The following CAMSAP2 variants were observed in gnomAD, a reference collection of about 807,000 sequenced individuals.
The protein encoded by CAMSAP2 is calmodulin regulated spectrin associated protein family member 2, also known as calmodulin-regulated spectrin-associated protein 2.
A neutral mutation model predicts 146.1 loss-of-function variants in CAMSAP2; 26 were observed. That is an observed-to-expected ratio of 0.18 (90% confidence interval 0.13 to 0.25). The LOEUF is 0.25. CAMSAP2 is among the 10% of genes least tolerant of loss of function. The probability of loss-of-function intolerance (pLI) is 1.00; values close to 1 mark genes in which losing one functional copy is unlikely to be tolerated. For synonymous variants in CAMSAP2, 499 were observed against 596.6 expected, an observed-to-expected ratio of 0.84 and a Z score of 2.38; for missense variants, 1,381 against 1,759.3, an observed-to-expected ratio of 0.78 and a Z score of 3.85.
At chr1:200,753,198 C>G (rs1203359213) in intron 1 of CAMSAP2, among the ~76,000 whole-genome samples, 1 of 150,144 alleles carries the variant, frequency 6.7e-6, no homozygotes, top group Non-Finnish European at 1.5e-5. Context: ...CTCGGTAGGC[C>G]GAGGCAGGAG....
chr1:200,808,022 G>A (rs1425049733), intron 3 of CAMSAP2, among the ~76,000 whole-genome samples: 2 of 152,076 alleles, frequency 1.3e-5, no homozygotes, highest in African/African-American at 4.8e-5. Context: ...AATTACAGGC[G>A]TGAGCCACCA....
intron 4 of CAMSAP2, chr1:200,828,701 T>G: frequency 8.8e-7 from 1 of 1,138,508 alleles, no homozygotes; most frequent in South Asian, 1.4e-5. Flanking sequence ...CATGTAATTC[T>G]GTTAGTCATT....
chr1:200,849,332 C>T lies in CAMSAP2; in HGVS notation c.2563C>T (p.Pro855Ser), dbSNP rs751463069. 1.2e-6 allele frequency: 2 copies of T among 1,613,920 alleles called. No individual in the cohort carries two copies. Among genetic ancestry groups the T allele is most frequent in the Non-Finnish European group, 8.5e-7 (1 of 1,180,032 alleles). ...CAAATGGCTAAAGTCTCCAACTACA[C>T]CTATTGATCCTGAGAAGCAGTGGAA... is the stretch of plus-strand genomic sequence containing the variant. ...QAKWLKSPTT[P>S]IDPEKQWNLA... The change falls in exon 11 of 17, where the codon CCT becomes TCT. Residue 855 changes from proline to serine, a missense_variant. By Grantham distance (74) the Pro-to-Ser change is moderately conservative (BLOSUM62 -1). Transcript: ENST00000358823. The surrounding 1 kb of genome is among the most constrained non-coding windows in gnomAD (Gnocchi z 6.3).
At chr1:200,839,774 A>C (rs1667270634) in intron 6 of CAMSAP2, among the ~76,000 whole-genome samples, 1 of 152,178 alleles carries the variant, frequency 6.6e-6, no homozygotes, top group South Asian at 2.1e-4. Flanking sequence ...TGATGGGTGC[A>C]CCAGAATCTC....
Position 200,854,784 on chromosome 1 carries a change from A to G in CAMSAP2, c.3824-33A>G, listed in dbSNP as rs761492316. On this transcript the variant is annotated intron_variant, in intron 13 of 16. Coordinates refer to ENST00000358823, the MANE Select transcript of CAMSAP2 (RefSeq NM_203459.4). Reference sequence around the variant, plus strand: ...CTTTTAAATTTCTGATTTTGTTTTTATTCAGGATCATGAATTTATCGTGTT... The same window carrying G: ...CTTTTAAATTTCTGATTTTGTTTTTGTTCAGGATCATGAATTTATCGTGTT... 5.1e-6 allele frequency: 8 copies of G among 1,572,648 alleles called. No individual in the cohort carries two copies. The South Asian group carries it at 8.0e-5, about 16-fold the overall frequency.
At chr1:200,821,397 G>C (rs1337672561) in intron 4 of CAMSAP2, among the ~76,000 whole-genome samples, 1 of 152,162 alleles carries the variant, frequency 6.6e-6, no homozygotes, top group Non-Finnish European at 1.5e-5. Flanking sequence ...TGCCCAGGCT[G>C]ATCTCAAGCT....
intron 6 of CAMSAP2, among the ~76,000 whole-genome samples, chr1:200,834,124 G>T (rs1448354584): frequency 1.3e-5 from 2 of 152,138 alleles, no homozygotes; most frequent in Non-Finnish European, 2.9e-5. Context: ...AGCACTTTGG[G>T]AGGCTGAGGT....
intron 2 of CAMSAP2, among the ~76,000 whole-genome samples, chr1:200,765,641 T>C (rs185140550): frequency 3.2e-4 from 49 of 152,222 alleles, no homozygotes; most frequent in African/African-American, 1.1e-3. Flanking sequence ...CAGTATGAAA[T>C]AAGTGTTCTA....
chr1:200,838,867 T>G (rs576684399), intron 6 of CAMSAP2, among the ~76,000 whole-genome samples: 32 of 152,316 alleles, frequency 2.1e-4, no homozygotes, highest in African/African-American at 7.7e-4. Context: ...ATATTTAGGA[T>G]GCAAAATCTG....
intron 4 of CAMSAP2, among the ~76,000 whole-genome samples, chr1:200,817,109 CGT>C (rs1313383332): frequency 3.5e-5 from 5 of 144,204 alleles, no homozygotes; most frequent in South Asian, 2.1e-4. Flanking sequence ...TATACACACA[CGT>C]GTGTGTATAT....
intron 3 of CAMSAP2, among the ~76,000 whole-genome samples, chr1:200,809,895 A>G (rs1666280970): frequency 6.6e-6 from 1 of 152,190 alleles, no homozygotes; most frequent in Non-Finnish European, 1.5e-5. Context: ...CTGAGGCAGC[A>G]CAGGGCATCA....
chr1:200,801,541 C>A (rs1461019111), intron 2 of CAMSAP2, among the ~76,000 whole-genome samples: 1 of 152,192 alleles, frequency 6.6e-6, no homozygotes, highest in Admixed American at 6.5e-5. Flanking sequence ...AACTTGGTTC[C>A]ATTCTCCCCA....
intron 2 of CAMSAP2, among the ~76,000 whole-genome samples, chr1:200,804,364 A>G (rs1459825234): frequency 1.3e-5 from 2 of 151,970 alleles, no homozygotes; most frequent in East Asian, 1.9e-4. Flanking sequence ...TTATTTTTAA[A>G]TAGTTTAATA....
chr1:200,791,712 C>T (rs765917716), intron 2 of CAMSAP2, among the ~76,000 whole-genome samples: 2 of 151,920 alleles, frequency 1.3e-5, no homozygotes, highest in African/African-American at 4.8e-5. Context: ...CCTTTAAGAC[C>T]CTCTTAGAGA....
chr1:200,739,063 C>G lies in CAMSAP2; in HGVS notation c.-765C>G, dbSNP rs1157086361. 6.6e-6 allele frequency among the ~76,000 whole-genome samples: 1 copy of G among 152,114 alleles called. No homozygotes were observed. Among genetic ancestry groups the G allele is most frequent in the African/African-American group, 2.4e-5 (1 of 41,420 alleles). The stretch of plus-strand genomic sequence containing the variant: ...GAGCTTGGGATTCGCGGCCTCTCCC[C>G]GGCCACCACCTTCGCCGTCAGCAAG... On this transcript the variant is annotated 5_prime_UTR_variant, in exon 1 of 17. Transcript: ENST00000358823. This position sits in a 1 kb window ranked among gnomAD's most constrained non-coding sequence, Gnocchi z 4.8.
chr1:200,857,690 T>G lies in CAMSAP2; in HGVS notation c.4132-64T>G. 5.9e-6 allele frequency: 8 copies of G among 1,344,962 alleles called. No individual in the cohort carries two copies. The highest frequency in any genetic ancestry group is 8.1e-6 in the Non-Finnish European group (8 of 983,162). 83.3% of individuals were successfully genotyped at this position (1,344,962 alleles called of 1,614,324 possible). On this transcript the variant is annotated intron_variant, in intron 16 of 16. Coordinates refer to ENST00000358823, the MANE Select transcript of CAMSAP2 (RefSeq NM_203459.4). The surrounding 1 kb of genome is among the most constrained non-coding windows in gnomAD (Gnocchi z 4.7). The stretch of plus-strand genomic sequence containing the variant: ...GAAACGTAACATAATTATATAAACT[T>G]TATTCAGCAAAATAAAGGGTTTTTA...
rs1448799649 is a variant in CAMSAP2, at chr1:200,816,773, C to T, written c.645+1129C>T. On this transcript the variant is annotated intron_variant, in intron 4 of 16. Coordinates refer to ENST00000358823, the MANE Select transcript of CAMSAP2 (RefSeq NM_203459.4). Reference sequence around the variant, plus strand: ...GTGTATATATGTGTGTACACACACACGCGTGTATATATGTGTGTACACACA... The same window carrying T: ...GTGTATATATGTGTGTACACACACATGCGTGTATATATGTGTGTACACACA... Among the ~76,000 whole-genome samples the T allele has an allele frequency of 1.7e-5, 2 of 116,364 alleles. 1 individual carries two copies. 76.3% of individuals were successfully genotyped at this position (116,364 alleles called of 152,430 possible). A position where few individuals can be genotyped will look rare whatever the true frequency, so the allele number is the denominator to read the frequency against.
chr1:200,807,309 C>A, intron 2 of CAMSAP2, 67 bp from the exon 3 acceptor site: 1 of 1,263,674 alleles, frequency 7.9e-7, no homozygotes, highest in Non-Finnish European at 1.0e-6. Context: ...ATTAACATTT[C>A]AAAATATGTA....
At chr1:200,817,330 AG>A (rs561755956) in intron 4 of CAMSAP2, among the ~76,000 whole-genome samples, 412 of 149,378 alleles carry the variant, frequency 2.8e-3, no homozygotes, top group African/African-American at 9.2e-3. Context: ...TGAAGAAAGA[AG>A]AAACATTAAC....
Sources: gnomAD v4.1 joint callset for allele counts (sites outside exome capture counted in the v4.1 genomes callset) on GRCh38, gnomAD v4.1.1 for gene constraint, Gnocchi (gnomAD v3.1) non-coding constraint, MANE v1.5 for transcripts, NCBI Gene and HGNC (gene_info 2026-07-23, HGNC 2026-07-21) for gene names.